The following CMTM4 variants were observed in gnomAD, a reference collection of about 807,000 sequenced individuals.
The protein encoded by CMTM4 is CKLF like MARVEL transmembrane domain containing 4.
In CMTM4, 8 loss-of-function variants were observed where a neutral mutation model predicts 19.0. The observed-to-expected ratio is 0.42, with a 90% CI of 0.25 to 0.76. The LOEUF (loss-of-function observed/expected upper bound fraction) is 0.76, where lower values mean the gene tolerates loss of function less well. Among genes scored for constraint, CMTM4 ranks in the 30% least tolerant of loss-of-function variants. The probability of loss-of-function intolerance (pLI) is 0.27; values close to 1 mark genes in which losing one functional copy is unlikely to be tolerated. For missense variants in CMTM4, 228 were observed against 290.2 expected, an observed-to-expected ratio of 0.79 and a Z score of 1.56; for synonymous variants, 106 against 121.1, an observed-to-expected ratio of 0.88 and a Z score of 0.82.
chr16:66,695,776 C>A (rs1287639235), intron 1 of CMTM4, among the ~76,000 whole-genome samples: 2 of 152,204 alleles, frequency 1.3e-5, no homozygotes, highest in African/African-American at 4.8e-5. Context: ...GGACACAAAC[C>A]TCTGCAGTGT....
intron 1 of CMTM4, among the ~76,000 whole-genome samples, chr16:66,686,282 C>A (rs1381625202): frequency 6.7e-6 from 1 of 149,226 alleles, no homozygotes; most frequent in African/African-American, 2.5e-5. Context: ...AAAGTTCCAG[C>A]CAGGCACAGT....
chr16:66,630,142 G>A (rs1052955100), intron 2 of CMTM4, among the ~76,000 whole-genome samples: 1 of 151,984 alleles, frequency 6.6e-6, no homozygotes, highest in African/African-American at 2.4e-5. Flanking sequence ...CTGGGCCCTC[G>A]TCTGTGGGAT....
chr16:66,624,242 T>C (rs1041388279), intron 2 of CMTM4, among the ~76,000 whole-genome samples: 10 of 152,230 alleles, frequency 6.6e-5, no homozygotes, highest in African/African-American at 2.2e-4. Context: ...GAGCCCAGCA[T>C]GGTGCCTGGC....
At chr16:66,648,443 G>T (rs1165239728) in intron 1 of CMTM4, among the ~76,000 whole-genome samples, 1 of 152,150 alleles carries the variant, frequency 6.6e-6, no homozygotes. Context: ...TGGATCAACT[G>T]AGGTCAGGAG....
intron 2 of CMTM4, among the ~76,000 whole-genome samples, chr16:66,631,452 G>A (rs1299923539): frequency 6.6e-6 from 1 of 152,176 alleles, no homozygotes; most frequent in Non-Finnish European, 1.5e-5. Flanking sequence ...CATTGAGAAC[G>A]GGCCATGATG....
chr16:66,682,095 C>T (rs1042123373), intron 1 of CMTM4, among the ~76,000 whole-genome samples: 5 of 152,188 alleles, frequency 3.3e-5, no homozygotes, highest in South Asian at 2.1e-4. Context: ...CTCCCAAGAG[C>T]TCTGGGAGCT....
At chr16:66,644,608 C>T (rs1290091710) in intron 1 of CMTM4, among the ~76,000 whole-genome samples, 4 of 152,196 alleles carry the variant, frequency 2.6e-5, no homozygotes, top group African/African-American at 7.2e-5. Flanking sequence ...TTTCCAAAAT[C>T]ATGAGTCTTA....
At chr16:66,689,212 G>A (rs1439879591) in intron 1 of CMTM4, among the ~76,000 whole-genome samples, 4 of 152,114 alleles carry the variant, frequency 2.6e-5, no homozygotes. Flanking sequence ...CCATCATGGG[G>A]GAAAGCATTC....
At chr16:66,603,407 C>G in the CMTM4 span, among the ~76,000 whole-genome samples, 20 of 152,006 alleles carry the variant, frequency 1.3e-4, 1 homozygote, top group Admixed American at 1.2e-3. Context: ...TGTGCCTCAG[C>G]CTCCTGAGTA....
the CMTM4 span, among the ~76,000 whole-genome samples, chr16:66,605,770 G>T: frequency 1.3e-5 from 2 of 152,224 alleles, no homozygotes; most frequent in African/African-American, 4.8e-5. This position sits in a 1 kb window ranked among gnomAD's most constrained non-coding sequence, Gnocchi z 4.6. Flanking sequence ...GAGGGGCCCA[G>T]TGAGAGCGGC....
the CMTM4 span, chr16:66,604,753 G>A: frequency 8.3e-7 from 1 of 1,208,512 alleles, no homozygotes; most frequent in Non-Finnish European, 1.0e-6. Flanking sequence ...CTTCCCTCCG[G>A]GCGCGAGAAG....
intron 1 of CMTM4, among the ~76,000 whole-genome samples, chr16:66,662,673 T>G (rs1395745895): frequency 6.6e-6 from 1 of 151,946 alleles, no homozygotes; most frequent in South Asian, 2.1e-4. Context: ...CCTTCCCCTG[T>G]CCTCCCACCA....
intron 2 of CMTM4, among the ~76,000 whole-genome samples, chr16:66,631,435 A>C (rs2144800977): frequency 6.6e-6 from 1 of 152,332 alleles, no homozygotes; most frequent in East Asian, 1.9e-4. Context: ...AGGTGTACCC[A>C]ACAGCTCATT....
chr16:66,683,107 A>AG (rs1322378702), intron 1 of CMTM4, among the ~76,000 whole-genome samples: 5 of 138,964 alleles, frequency 3.6e-5, no homozygotes, highest in African/African-American at 1.4e-4. Context: ...AATAGAGTCT[A>AG]GTTGTGTGTG....
chr16:66,684,557 C>A (rs1417958429), intron 1 of CMTM4, among the ~76,000 whole-genome samples: 1 of 152,066 alleles, frequency 6.6e-6, no homozygotes, highest in South Asian at 2.1e-4. Context: ...CCAGTGATAG[C>A]CCCCATCTCG....
the CMTM4 span, chr16:66,604,900 C>A: frequency 6.9e-7 from 1 of 1,455,156 alleles, no homozygotes; most frequent in South Asian, 1.3e-5. Flanking sequence ...GCCCTGCTGC[C>A]GGCGCGGGCT....
intron 1 of CMTM4, among the ~76,000 whole-genome samples, chr16:66,655,626 T>C (rs2016385863): frequency 6.6e-6 from 1 of 151,836 alleles, no homozygotes; most frequent in Admixed American, 6.6e-5. Context: ...ATCCAAATCT[T>C]AGTTTCTAAA....
chr16:66,610,153 G>C (rs1447782622), downstream of CMTM4: 1 of 968,972 alleles, frequency 1.0e-6, no homozygotes, highest in Admixed American at 2.4e-5. The surrounding 1 kb of genome is among the most constrained non-coding windows in gnomAD (Gnocchi z 4.6). Context: ...CTACCCTCAT[G>C]CAGCACTGAT....
At chr16:66,640,273 C>G (rs1453955288) in intron 1 of CMTM4, among the ~76,000 whole-genome samples, 1 of 152,148 alleles carries the variant, frequency 6.6e-6, no homozygotes, top group Non-Finnish European at 1.5e-5. Context: ...ACACTGCACT[C>G]CAGCCTGGGT....
Sources: gnomAD v4.1 joint callset for allele counts (sites outside exome capture counted in the v4.1 genomes callset) on GRCh38, gnomAD v4.1.1 for gene constraint, Gnocchi (gnomAD v3.1) non-coding constraint, MANE v1.5 for transcripts, NCBI Gene and HGNC (gene_info 2026-07-23, HGNC 2026-07-21) for gene names.